The following LIG1 variants were observed in gnomAD, a reference collection of about 807,000 sequenced individuals.
The protein encoded by LIG1 is ligase I, DNA, ATP-dependent.
In LIG1, 70 loss-of-function variants were observed where a neutral mutation model predicts 115.7. The ratio of observed to expected loss-of-function variants is 0.60; its 90% CI spans 0.50 to 0.74. The LOEUF (loss-of-function observed/expected upper bound fraction) is 0.74, where lower values mean the gene tolerates loss of function less well. Among genes scored for constraint, LIG1 ranks in the 30% least tolerant of loss-of-function variants. The pLI is 0.00. For missense variants in LIG1, 1,115 were observed against 1,225.6 expected, an observed-to-expected ratio of 0.91 and a Z score of 1.35; for synonymous variants, 487 against 495.3, an observed-to-expected ratio of 0.98 and a Z score of 0.22.
chr19:48,162,164 G>A (rs1430200237), intron 3 of LIG1, 98 bp downstream of exon 3: 4 of 1,196,330 alleles, frequency 3.3e-6, no homozygotes, highest in African/African-American at 1.5e-5. Flanking sequence ...AAGTTTTTTG[G>A]GCCCCAAGAC....
At position 48,161,459 on chromosome 19, in the gene LIG1, C is replaced by T. The variant is rs771946542; in HGVS notation, c.156G>A (p.Pro52=). 12 of 1,614,158 alleles carry T rather than the reference C, an allele frequency of 7.4e-6. No homozygotes were observed. The highest frequency in any genetic ancestry group is 1.6e-4 in the Middle Eastern group (1 of 6,062). Residue 52 remains proline, a synonymous_variant, in exon 4 of 28, where the codon CCG becomes CCA. Coordinates refer to ENST00000263274, the MANE Select transcript of LIG1 (RefSeq NM_000234.3). The part of the protein sequence containing the change: ...WNGVVSESDS[P]VKRPGRKAAR... Reference sequence around the variant, plus strand: ...CCGCCTTCCTCCCTGGCCTCTTCACCGGAGAGTCACTCTCGGACACCACTC... The same window carrying T: ...CCGCCTTCCTCCCTGGCCTCTTCACTGGAGAGTCACTCTCGGACACCACTC...
chr19:48,162,412 T>G, intron 2 of LIG1, 61 bp from the exon 3 acceptor site: 1 of 1,145,232 alleles, frequency 8.7e-7, no homozygotes, highest in Non-Finnish European at 1.3e-6. Context: ...CCTGCCTATC[T>G]ATGCTGTATC....
At chr19:48,155,425 G>A (rs3730881) in intron 5 of LIG1, among the ~76,000 whole-genome samples, 6,465 of 152,146 alleles carry the variant, frequency 0.042, 324 homozygotes, top group African/African-American at 0.11. Context: ...GCCTCTGCAC[G>A]TGCCCTTCTT....
intron 23 of LIG1, 100 bp from the exon 24 acceptor site, chr19:48,121,422 G>GT: frequency 1.7e-6 from 2 of 1,195,428 alleles, no homozygotes; most frequent in Non-Finnish European, 2.3e-6. Context: ...GGGACTAGAA[G>GT]TAAGTCTGAA....
At chr19:48,128,054 A>G in intron 19 of LIG1, 34 bp from the exon 20 acceptor site, 1 of 1,534,028 alleles carries the variant, frequency 6.5e-7, no homozygotes, top group Non-Finnish European at 9.0e-7. Context: ...AGGGCCTGAG[A>G]GAGGTGGAAG....
intron 21 of LIG1, among the ~76,000 whole-genome samples, chr19:48,126,279 A>G (rs746368634): frequency 6.6e-6 from 1 of 151,834 alleles, no homozygotes; most frequent in Non-Finnish European, 1.5e-5. Flanking sequence ...GCTGTTCTCA[A>G]ACTGTTGTCT....
chr19:48,160,603 C>T (rs1480717871), intron 4 of LIG1, among the ~76,000 whole-genome samples: 1 of 152,142 alleles, frequency 6.6e-6, no homozygotes, highest in African/African-American at 2.4e-5. Flanking sequence ...ACGCTTTGGA[C>T]ATCATCCACA....
intron 10 of LIG1, 24 bp from the exon 11 acceptor site, chr19:48,143,623 G>T: frequency 6.2e-7 from 1 of 1,600,614 alleles, no homozygotes; most frequent in Non-Finnish European, 8.6e-7. Context: ...AGAGACGCAA[G>T]AGTGACAGTG....
rs570667924 is a variant in LIG1, at chr19:48,121,796, C to T, written c.2233-474G>A. The stretch of plus-strand genomic sequence containing the variant: ...AGCCTGGGCAATGAGAGTGAAACTC[C>T]GTCTTAAAATAAATAAATAAATAAA... On this transcript the variant is annotated intron_variant, in intron 23 of 27. Coordinates refer to ENST00000263274, the MANE Select transcript of LIG1 (RefSeq NM_000234.3). Among the ~76,000 whole-genome samples, 24 of 152,104 alleles carry T rather than the reference C, an allele frequency of 1.6e-4. No homozygotes were observed. In the South Asian group the frequency reaches 4.6e-3, roughly 29 times the overall value.
chr19:48,152,879 CCA>C (rs2122881139), intron 6 of LIG1, among the ~76,000 whole-genome samples: 1 of 152,116 alleles, frequency 6.6e-6, no homozygotes. Flanking sequence ...AAGGCATTTC[CCA>C]CAAGTAATTA....
intron 5 of LIG1, among the ~76,000 whole-genome samples, chr19:48,155,855 T>C (rs890198535): frequency 1.1e-4 from 16 of 152,196 alleles, no homozygotes; most frequent in Admixed American, 1.0e-3. Context: ...TCCAAAATGA[T>C]GTGGAAAAAG....
intron 24 of LIG1, chr19:48,120,460 T>C: frequency 2.0e-6 from 2 of 985,468 alleles, no homozygotes; most frequent in South Asian, 4.7e-5. Context: ...CTAGGTGATA[T>C]TTTGTTCTGT....
intron 2 of LIG1, among the ~76,000 whole-genome samples, chr19:48,165,071 C>T (rs2123067326): frequency 6.6e-6 from 1 of 152,260 alleles, no homozygotes; most frequent in Admixed American, 6.5e-5. Flanking sequence ...CCAGCCTGAC[C>T]AACGTGGTGA....
intron 11 of LIG1, among the ~76,000 whole-genome samples, chr19:48,140,423 G>A (rs935700583): frequency 2.6e-5 from 4 of 152,146 alleles, no homozygotes; most frequent in Admixed American, 1.3e-4. Context: ...AGCTGTCCTT[G>A]TTCAGTCCTG....
intron 2 of LIG1, among the ~76,000 whole-genome samples, chr19:48,163,020 T>C (rs1334074931): frequency 6.6e-6 from 1 of 151,868 alleles, no homozygotes; most frequent in Non-Finnish European, 1.5e-5. Flanking sequence ...GTTCAAGCGA[T>C]TCTCCTGCCT....
At chr19:48,156,486 T>G (rs1360392408) in intron 5 of LIG1, among the ~76,000 whole-genome samples, 1 of 152,162 alleles carries the variant, frequency 6.6e-6, no homozygotes, top group Non-Finnish European at 1.5e-5. Flanking sequence ...GTGCTATCAT[T>G]ATCATCATCT....
At chr19:48,161,327 A>C (rs1308917488) in intron 4 of LIG1, 45 bp downstream of exon 4, 1 of 1,613,260 alleles carries the variant, frequency 6.2e-7, no homozygotes, top group Admixed American at 1.7e-5. Context: ...GGTTAATGGG[A>C]ATTAGTTTCT....
rs572440899 is a variant in LIG1, at chr19:48,132,327, C to A, written c.1725+655G>T. On this transcript the variant is annotated intron_variant, in intron 18 of 27. Transcript: ENST00000263274. ...GCCTGAGGCCCTGGATCACAGGACACACATGCACGTCACGGCATGAAGGGG... is the reference window on the plus strand; with the variant it reads ...GCCTGAGGCCCTGGATCACAGGACAAACATGCACGTCACGGCATGAAGGGG... Among the ~76,000 whole-genome samples, 16 of 152,258 alleles carry A rather than the reference C, an allele frequency of 1.1e-4. No homozygotes were observed. In the South Asian group the frequency reaches 3.1e-3, roughly 30 times the overall value.
At chr19:48,138,738 C>A (rs1431031790) in intron 12 of LIG1, among the ~76,000 whole-genome samples, 1 of 152,208 alleles carries the variant, frequency 6.6e-6, no homozygotes, top group African/African-American at 2.4e-5. Context: ...GGAAAGCCAG[C>A]ATCTGCAACT....
Sources: allele counts gnomAD v4.1 joint callset (sites outside exome capture counted in the v4.1 genomes callset), GRCh38; gene constraint gnomAD v4.1.1; transcripts MANE v1.5; gene names NCBI Gene and HGNC (gene_info 2026-07-23, HGNC 2026-07-21).